PRRX1: variants seen among roughly 807,000 people sequenced by gnomAD.
PRRX1 encodes the protein paired mesoderm homeobox protein 1.
In PRRX1, 8 loss-of-function variants were observed where a neutral mutation model predicts 24.0. That is an observed-to-expected ratio of 0.33 (90% CI 0.20 to 0.60). The LOEUF is 0.60. Among genes scored for constraint, PRRX1 ranks in the 20% least tolerant of loss-of-function variants. The pLI, the probability that PRRX1 is intolerant of heterozygous loss-of-function variation, is 0.82. For synonymous variants in PRRX1, 160 were observed against 131.7 expected, an observed-to-expected ratio of 1.22 and a Z score of -1.47; for missense variants, 281 against 322.4, an observed-to-expected ratio of 0.87 and a Z score of 0.98.
upstream of PRRX1, chr1:170,663,493 ATTC>A (rs1652798143): frequency 6.7e-6 from 1 of 149,732 alleles, no homozygotes; most frequent in East Asian, 2.0e-4. Flanking sequence ...TTTTTTTTTA[ATTC>A]TTAATTTTTT....
At chr1:170,690,072 T>A (rs149275145) in intron 1 of PRRX1, among the ~76,000 whole-genome samples, 158 of 152,180 alleles carry the variant, frequency 1.0e-3, no homozygotes, top group African/African-American at 3.7e-3. Context: ...CTCTAGCTCT[T>A]GCTAGCATTT....
At chr1:170,703,850 C>T (rs950024174) in intron 1 of PRRX1, among the ~76,000 whole-genome samples, 3 of 152,070 alleles carry the variant, frequency 2.0e-5, no homozygotes, top group Admixed American at 6.5e-5. Flanking sequence ...CCCCTGAATA[C>T]GTAGTTGAGA....
At chr1:170,703,203 A>T (rs978265153) in intron 1 of PRRX1, among the ~76,000 whole-genome samples, 5 of 152,338 alleles carry the variant, frequency 3.3e-5, no homozygotes, top group African/African-American at 1.2e-4. Flanking sequence ...AGTTTATAGG[A>T]AGAAAATTTT....
intron 1 of PRRX1, among the ~76,000 whole-genome samples, chr1:170,714,023 T>G (rs1171505259): frequency 1.3e-5 from 2 of 152,238 alleles, no homozygotes; most frequent in Non-Finnish European, 2.9e-5. Flanking sequence ...GCTGCTAAAC[T>G]TGGCTTTGGT....
At chr1:170,712,013 C>G (rs1654767777) in intron 1 of PRRX1, among the ~76,000 whole-genome samples, 1 of 152,114 alleles carries the variant, frequency 6.6e-6, no homozygotes, top group Admixed American at 6.6e-5. Flanking sequence ...CATATGGCAA[C>G]CAAATTAGTT....
rs186075523 is a variant in PRRX1 at position 170,737,412 on chromosome 1, C to T, written c.*1226C>T. ...TAAATGAATTAGAAACTATTTGAGG[C>T]TATAAAAATGTCCTTGAGTTTGGAG... On this transcript the variant is annotated 3_prime_UTR_variant, in exon 4 of 4. Transcript: ENST00000239461. 1.2e-4 allele frequency: 24 copies of T among 196,094 alleles called. No individual in the cohort carries two copies. In the East Asian group the frequency reaches 1.7e-3, roughly 14 times the overall value. The allele number at this position is 196,094 out of a possible 1,614,324, so 12.1% of individuals were successfully genotyped here.
chr1:170,692,316 T>C (rs1654015651), intron 1 of PRRX1, among the ~76,000 whole-genome samples: 1 of 152,118 alleles, frequency 6.6e-6, no homozygotes, highest in African/African-American at 2.4e-5. Context: ...TCAATACTTT[T>C]GATTAAATTC....
At chr1:170,695,161 A>C (rs1433090844) in intron 1 of PRRX1, among the ~76,000 whole-genome samples, 1 of 152,162 alleles carries the variant, frequency 6.6e-6, no homozygotes, top group African/African-American at 2.4e-5. Flanking sequence ...TACCCCATGA[A>C]CTATTAGAGA....
At chr1:170,732,778 G>C (rs1294214838) in intron 3 of PRRX1, among the ~76,000 whole-genome samples, 1 of 152,074 alleles carries the variant, frequency 6.6e-6, no homozygotes, top group African/African-American at 2.4e-5. Flanking sequence ...CATTTCCTAA[G>C]CATTTATCAA....
chr1:170,688,001 A>G (rs1173558828), intron 1 of PRRX1, among the ~76,000 whole-genome samples: 3 of 152,208 alleles, frequency 2.0e-5, no homozygotes, highest in Non-Finnish European at 4.4e-5. Flanking sequence ...GCTAATCATC[A>G]AGAATATTTT....
chr1:170,677,915 CAT>C (rs1442897638), intron 1 of PRRX1, among the ~76,000 whole-genome samples: 3 of 152,170 alleles, frequency 2.0e-5, no homozygotes, highest in Non-Finnish European at 4.4e-5. Context: ...GACTCTATGA[CAT>C]ATGCTTGGGA....
intron 1 of PRRX1, among the ~76,000 whole-genome samples, chr1:170,693,963 C>T (rs1365739160): frequency 6.6e-6 from 1 of 151,336 alleles, no homozygotes; most frequent in Non-Finnish European, 1.5e-5. Context: ...GTTTTTTTTT[C>T]ATGTTTTCAC....
intron 1 of PRRX1, chr1:170,669,226 C>T (rs1183915776): frequency 6.6e-6 from 1 of 151,822 alleles, no homozygotes; most frequent in Non-Finnish European, 1.5e-5. Context: ...TGTTAGACGT[C>T]GTGCAGTCCT....
intron 2 of PRRX1, among the ~76,000 whole-genome samples, chr1:170,723,192 G>A (rs1655144548): frequency 6.6e-6 from 1 of 152,310 alleles, no homozygotes; most frequent in East Asian, 1.9e-4. Flanking sequence ...CAGGAGTGTG[G>A]GAAGCCAAGT....
At chr1:170,679,468 C>T (rs531709562) in intron 1 of PRRX1, among the ~76,000 whole-genome samples, 42 of 152,194 alleles carry the variant, frequency 2.8e-4, no homozygotes, top group Non-Finnish European at 4.9e-4. Flanking sequence ...GGCACAATTT[C>T]GGCTCACTGC....
chr1:170,736,599 T>G lies in PRRX1; in HGVS notation c.*413T>G. 1 of 227,840 alleles carries G rather than the reference T, an allele frequency of 4.4e-6. No individual in the cohort carries two copies. Among genetic ancestry groups the G allele is most frequent in the Non-Finnish European group, 9.1e-6 (1 of 110,378 alleles). 14.1% of individuals were successfully genotyped at this position (227,840 alleles called of 1,614,324 possible). On this transcript the variant is annotated 3_prime_UTR_variant, in exon 4 of 4. Coordinates refer to ENST00000239461, the MANE Select transcript of PRRX1 (RefSeq NM_022716.4). ...AGAATGATTGCCTCTACTGTCCTCA[T>G]TGACTTGTTTGAACCTTAGTGCCTT...
At chr1:170,707,998 T>G (rs1051048669) in intron 1 of PRRX1, among the ~76,000 whole-genome samples, 2 of 152,218 alleles carry the variant, frequency 1.3e-5, no homozygotes, top group African/African-American at 4.8e-5. Context: ...TTGTCCTTCC[T>G]TAACCTTGAT....
At position 170,664,288 on chromosome 1, in the gene PRRX1, A is replaced by C. The variant is rs750366855; in HGVS notation, c.70A>C (p.Asn24His). 5 of 1,613,416 alleles carry C rather than the reference A, an allele frequency of 3.1e-6. No individual in the cohort carries two copies. The highest frequency in any genetic ancestry group is 4.2e-6 in the Non-Finnish European group (5 of 1,179,822). ...GGGCGGCCGCTTGGACAGCCCGGGC[A>C]ACCTCGACACCCTGCAGGCGAAAAA... ...ALGGRLDSPG[N>H]LDTLQAKKNF... The change falls in exon 1 of 4, where the codon AAC (asparagine) becomes CAC (histidine). Residue 24 changes from asparagine to histidine, a missense_variant. Asn to His is a moderately conservative substitution (Grantham distance 68, BLOSUM62 1). Transcript: ENST00000239461.
chr1:170,711,924 C>T (rs1654764304), intron 1 of PRRX1, among the ~76,000 whole-genome samples: 1 of 152,062 alleles, frequency 6.6e-6, no homozygotes, highest in Non-Finnish European at 1.5e-5. Flanking sequence ...TGGAATTTAC[C>T]AAAATAATCA....
Sources: gnomAD v4.1 joint callset for allele counts (sites outside exome capture counted in the v4.1 genomes callset) on GRCh38, gnomAD v4.1.1 for gene constraint, MANE v1.5 for transcripts, NCBI Gene and HGNC (gene_info 2026-07-23, HGNC 2026-07-21) for gene names.